Variants in POM121C observed in about 807,000 individuals in gnomAD.
POM121C encodes the protein nuclear envelope pore membrane protein POM 121C.
A neutral mutation model predicts 66.4 loss-of-function variants in POM121C; 20 were observed. The ratio of observed to expected loss-of-function variants is 0.30; its 90% confidence interval spans 0.21 to 0.44. The LOEUF (loss-of-function observed/expected upper bound fraction) is 0.44. Among genes scored for constraint, POM121C ranks in the 20% least tolerant of loss-of-function variants. The pLI is 1.00. For missense variants in POM121C, 580 were observed against 1,225.7 expected (o/e 0.47, Z 7.87); for synonymous variants, 286 against 528.0 (o/e 0.54, Z 6.28).
intron 14 of POM121C, 136 bp downstream of exon 14, chr7:75,419,184 G>A (rs1454320355): frequency 7.2e-7 from 1 of 1,384,682 alleles, no homozygotes; most frequent in Non-Finnish European, 9.6e-7. Flanking sequence ...CCTGGGCTGT[G>A]CTGTACTCCT....
chr7:75,431,002 G>A (rs1274871547), intron 7 of POM121C, among the ~76,000 whole-genome samples: 1 of 149,004 alleles, frequency 6.7e-6, no homozygotes, highest in Non-Finnish European at 1.5e-5. Flanking sequence ...CGTGAACCCG[G>A]GAGGCGGAGC....
At chr7:75,419,274 T>C (rs368143058) in intron 14 of POM121C, 46 bp downstream of exon 14, 146 of 1,569,138 alleles carry the variant, frequency 9.3e-5, no homozygotes, top group East Asian at 5.0e-4. Flanking sequence ...CCACCCAACC[T>C]CTCCTCAGAC....
At chr7:75,432,413 T>C (rs1465512800) in intron 7 of POM121C, among the ~76,000 whole-genome samples, 1 of 152,190 alleles carries the variant, frequency 6.6e-6, no homozygotes, top group African/African-American at 2.4e-5. Flanking sequence ...GCTATGTGCA[T>C]GAATGTGGAC....
chr7:75,438,688 C>T (rs1790513466), intron 6 of POM121C, among the ~76,000 whole-genome samples: 1 of 152,214 alleles, frequency 6.6e-6, no homozygotes. Context: ...AGCACTTTAG[C>T]TTTCCTGGTG....
intron 1 of POM121C, among the ~76,000 whole-genome samples, chr7:75,484,686 G>A (rs3873792): frequency 5.7e-5 from 6 of 104,924 alleles, no homozygotes; most frequent in East Asian, 6.4e-4. Flanking sequence ...AAAAAAAAAA[G>A]AGTGATAGGG....
intron 3 of POM121C, among the ~76,000 whole-genome samples, chr7:75,473,320 A>C (rs1647312899): frequency 6.6e-6 from 1 of 152,008 alleles, no homozygotes; most frequent in Non-Finnish European, 1.5e-5. Context: ...AAAGAAAACC[A>C]AAAAAGTGGA....
At chr7:75,482,117 G>A (rs1266279205) in intron 1 of POM121C, among the ~76,000 whole-genome samples, 1 of 151,822 alleles carries the variant, frequency 6.6e-6, no homozygotes, top group Non-Finnish European at 1.5e-5. Context: ...ATGTGCTAAA[G>A]GTGAAACAAG....
chr7:75,417,062 T>C lies in POM121C; in HGVS notation c.*1734A>G, dbSNP rs1443645980. 1 of 1,106,330 alleles carries C rather than the reference T, an allele frequency of 9.0e-7. No individual in the cohort carries two copies. The highest frequency in any genetic ancestry group is 1.1e-6 in the Non-Finnish European group (1 of 903,758). The allele number at this position is 1,106,330 out of a possible 1,614,324, so 68.5% of individuals were successfully genotyped here. On this transcript the variant is annotated 3_prime_UTR_variant, in exon 15 of 15. Transcript: ENST00000615331. The stretch of plus-strand genomic sequence containing the variant: ...CTTACATAAGGTACAGGTAGAAGCT[T>C]GATTGCTAGGCCCAGGCCCACCCAG...
chr7:75,462,849 A>G (rs1227631345), intron 3 of POM121C, among the ~76,000 whole-genome samples: 2 of 151,934 alleles, frequency 1.3e-5, no homozygotes, highest in East Asian at 1.9e-4. Flanking sequence ...GAGAGTTTCT[A>G]TGGGAAATTT....
chr7:75,442,043 C>T (rs1179433831), intron 3 of POM121C: 6 of 1,176,898 alleles, frequency 5.1e-6, no homozygotes, highest in Admixed American at 3.6e-5. Flanking sequence ...ACACACAATT[C>T]CCTTCGGATT....
chr7:75,447,530 C>T (rs1426542743), intron 3 of POM121C, among the ~76,000 whole-genome samples: 1 of 151,186 alleles, frequency 6.6e-6, no homozygotes, highest in Non-Finnish European at 1.5e-5. Context: ...GCAACTTGAT[C>T]TTTAAAGTGC....
chr7:75,473,759 G>A (rs1449503030), intron 3 of POM121C, among the ~76,000 whole-genome samples: 3 of 151,614 alleles, frequency 2.0e-5, no homozygotes, highest in African/African-American at 7.3e-5. Context: ...CGGGATCTCG[G>A]CTCACTGCAA....
chr7:75,421,080 T>C (rs1361156720), intron 13 of POM121C: 6 of 296,962 alleles, frequency 2.0e-5, no homozygotes, highest in Admixed American at 5.0e-5. Flanking sequence ...GTTGAAACAT[T>C]CTTCTGCCTC....
At chr7:75,485,682 C>G (rs1316842713) in intron 1 of POM121C, among the ~76,000 whole-genome samples, 182 bp downstream of exon 1, 1 of 152,192 alleles carries the variant, frequency 6.6e-6, no homozygotes, top group African/African-American at 2.4e-5. Context: ...CCGTAAGCCT[C>G]GTCCTCCCAG....
intron 3 of POM121C, among the ~76,000 whole-genome samples, chr7:75,462,563 T>C (rs373542147): frequency 0.01 from 1,553 of 151,726 alleles, 22 homozygotes; most frequent in Non-Finnish European, 0.014. Flanking sequence ...ACATTCCCAG[T>C]GTGGTTTCTG....
intron 7 of POM121C, among the ~76,000 whole-genome samples, chr7:75,430,248 G>T (rs2116362828): frequency 6.6e-6 from 1 of 152,250 alleles, no homozygotes; most frequent in East Asian, 1.9e-4. Flanking sequence ...GGGGACGACT[G>T]ACTCTATCAA....
intron 6 of POM121C, among the ~76,000 whole-genome samples, chr7:75,438,787 A>G (rs1790516883): frequency 6.6e-6 from 1 of 152,162 alleles, no homozygotes; most frequent in Non-Finnish European, 1.5e-5. Flanking sequence ...TTTCCACCCA[A>G]TTCTTCCTCC....
intron 7 of POM121C, among the ~76,000 whole-genome samples, chr7:75,430,238 G>A (rs1790112729): frequency 6.6e-6 from 1 of 152,012 alleles, no homozygotes; most frequent in Admixed American, 6.6e-5. Flanking sequence ...AATGAGAAAG[G>A]GGGACGACTG....
chr7:75,440,705 A>G lies in POM121C; in HGVS notation c.227+249T>C, dbSNP rs587599583. ...GTTTCTACAGAAGCATGAGGCTAAC[A>G]TGGCTAATAGCTGTCAGCTTATCTC... On this transcript the variant is annotated intron_variant, in intron 5 of 14. Transcript: ENST00000615331. The G allele has an allele frequency of 5.2e-6, 3 of 574,000 alleles. No homozygotes were observed. The East Asian group carries it at 8.7e-5, about 17-fold the overall frequency. 35.6% of individuals were successfully genotyped at this position (574,000 alleles called of 1,614,324 possible).
Sources: allele counts gnomAD v4.1 joint callset (sites outside exome capture counted in the v4.1 genomes callset), GRCh38; gene constraint gnomAD v4.1.1; transcripts MANE v1.5; gene names NCBI Gene and HGNC (gene_info 2026-07-23, HGNC 2026-07-21).